Variants in C7orf57 observed in about 807,000 individuals in gnomAD.
The protein encoded by C7orf57 is chromosome 7 open reading frame 57, also known as uncharacterized protein C7orf57.
C7orf57 carries 33 observed loss-of-function variants against 39.0 expected under a neutral mutation model. The observed-to-expected ratio is 0.85, with a 90% CI of 0.64 to 1.13. The LOEUF (loss-of-function observed/expected upper bound fraction) is 1.13, where lower values mean the gene tolerates loss of function less well. Among genes scored for constraint, C7orf57 ranks in the 50% most tolerant of loss-of-function variants. The pLI is 0.00. For synonymous variants in C7orf57, 124 were observed against 137.1 expected (o/e 0.90, Z 0.67); for missense variants, 346 against 362.3 (o/e 0.95, Z 0.37).
At chr7:48,037,216 A>G (rs11761275) in intron 2 of C7orf57, among the ~76,000 whole-genome samples, 70,618 of 151,984 alleles carry the variant, frequency 0.46, 17,055 homozygotes, top group African/African-American at 0.6. Flanking sequence ...TTTTCCCAGT[A>G]GGCTCTGGAG....
intron 7 of C7orf57, 66 bp from the exon 8 acceptor site, chr7:48,054,529 T>C (rs1345416509): frequency 3.0e-6 from 4 of 1,317,204 alleles, no homozygotes; most frequent in Non-Finnish European, 4.2e-6. Context: ...CTTTAAGTAA[T>C]TATGACTTCT....
intron 8 of C7orf57, among the ~76,000 whole-genome samples, chr7:48,055,252 G>C (rs1053453233): frequency 1.3e-5 from 2 of 152,182 alleles, no homozygotes; most frequent in African/African-American, 4.8e-5. Context: ...CTCGTCATGT[G>C]AGAGTCATAC....
At chr7:48,046,954 T>C (rs1209695028) in intron 5 of C7orf57, among the ~76,000 whole-genome samples, 1 of 152,202 alleles carries the variant, frequency 6.6e-6, no homozygotes, top group African/African-American at 2.4e-5. Flanking sequence ...CATTTCTGAA[T>C]ATTTTCATTT....
At position 48,059,492 on chromosome 7, in the gene C7orf57, G is replaced by A. The variant is rs567885929; in HGVS notation, c.842-734G>A. ...CAGCCTCCTGAGCAGCTGGGACTACGGGTGCATGCCACCATGCCTGGCTAA... is the reference window on the plus strand; with the variant it reads ...CAGCCTCCTGAGCAGCTGGGACTACAGGTGCATGCCACCATGCCTGGCTAA... On this transcript the variant is annotated intron_variant, in intron 8 of 8. Coordinates refer to ENST00000348904, the MANE Select transcript of C7orf57 (RefSeq NM_001100159.3). Among the ~76,000 whole-genome samples the A allele has an allele frequency of 1.9e-4, 29 of 152,136 alleles. 1 individual carries two copies. In the South Asian group the frequency reaches 4.4e-3, roughly 23 times the overall value.
intron 2 of C7orf57, among the ~76,000 whole-genome samples, chr7:48,038,381 CATATAG>C (rs996560587): frequency 2.0e-4 from 26 of 128,926 alleles, no homozygotes; most frequent in African/African-American, 8.8e-4. Context: ...TTTCTATATA[CATATAG>C]ATAGATAGAT....
intron 8 of C7orf57, among the ~76,000 whole-genome samples, chr7:48,056,164 T>A (rs1791110134): frequency 6.6e-6 from 1 of 152,186 alleles, no homozygotes; most frequent in Non-Finnish European, 1.5e-5. Flanking sequence ...TTTTGACAGG[T>A]GTGAGATGAT....
intron 6 of C7orf57, among the ~76,000 whole-genome samples, chr7:48,050,977 G>C (rs1035759403): frequency 6.6e-6 from 1 of 152,168 alleles, no homozygotes; most frequent in Admixed American, 6.5e-5. Context: ...GGCTGCTACT[G>C]CTCGAGCTGA....
Position 48,035,680 on chromosome 7 carries a change from G to C in C7orf57, c.-102+50G>C, listed in dbSNP as rs184631150. The C allele has an allele frequency of 6.4e-3, 4,023 of 624,902 alleles. 22 individuals carry two copies. Among genetic ancestry groups the C allele is most frequent in the Non-Finnish European group, 7.9e-3 (2,732 of 347,658 alleles). The allele number at this position is 624,902 out of a possible 1,614,324, so 38.7% of individuals were successfully genotyped here. A position where few individuals can be genotyped will look rare whatever the true frequency, so the allele number is the denominator to read the frequency against. ...AATGGGGGCGCCCACTGTGGTCCCG[G>C]GCCTTGTCCACTGTGCGGAGCTCGC... On this transcript the variant is annotated intron_variant, in intron 1 of 8. Transcript: ENST00000348904. This position sits in a 1 kb window ranked among gnomAD's most constrained non-coding sequence, Gnocchi z 4.0.
chr7:48,049,016 C>T (rs1288429756), intron 5 of C7orf57, among the ~76,000 whole-genome samples: 3 of 152,066 alleles, frequency 2.0e-5, no homozygotes, highest in Non-Finnish European at 4.4e-5. Flanking sequence ...GATGCCAGGC[C>T]CGAGTTAACC....
Position 48,052,770 on chromosome 7 carries a change from T to C in C7orf57, c.676T>C (p.Leu226=). 6.2e-7 allele frequency: 1 copy of C among 1,614,032 alleles called. No homozygotes were observed. Among genetic ancestry groups the C allele is most frequent in the Non-Finnish European group, 8.5e-7 (1 of 1,179,892 alleles). ...LISNGYKDEW[L]QQQQRADSDK... Reference sequence around the variant, plus strand: ...TAGCAATGGTTATAAGGATGAGTGGTTGCAGCAGCAGCAGCGAGCTGACTC... The same window carrying C: ...TAGCAATGGTTATAAGGATGAGTGGCTGCAGCAGCAGCAGCGAGCTGACTC... The change falls in exon 7 of 9, where the codon TTG becomes CTG. Residue 226 remains leucine, a synonymous_variant. Coordinates refer to ENST00000348904, the MANE Select transcript of C7orf57 (RefSeq NM_001100159.3).
chr7:48,054,860 TGA>T, intron 8 of C7orf57, among the ~76,000 whole-genome samples: 1 of 151,478 alleles, frequency 6.6e-6, no homozygotes, highest in African/African-American at 2.4e-5. Flanking sequence ...ATGATGATGA[TGA>T]TGATGATTAT....
chr7:48,037,639 C>CTA (rs201319339), intron 2 of C7orf57, among the ~76,000 whole-genome samples: 6 of 151,528 alleles, frequency 4.0e-5, no homozygotes, highest in African/African-American at 7.3e-5. Context: ...GCAGGGAAGG[C>CTA]TATATATATA....
At chr7:48,045,920 A>G (rs1471306901) in intron 4 of C7orf57, among the ~76,000 whole-genome samples, 1 of 152,182 alleles carries the variant, frequency 6.6e-6, no homozygotes, top group Admixed American at 6.5e-5. Context: ...ATTATTTTAA[A>G]TGAACATGTT....
intron 6 of C7orf57, 130 bp from the exon 7 acceptor site, chr7:48,052,570 C>G (rs962829347): frequency 2.8e-6 from 2 of 706,962 alleles, no homozygotes; most frequent in South Asian, 1.8e-5. Context: ...GAGGGAAAGA[C>G]AGAGAGAGAG....
In C7orf57 at chr7:48,052,806, AC is replaced by A. The variant is rs1562631182; in HGVS notation, c.716del (p.Pro239ArgfsTer60). The part of the protein sequence containing the change: ...QQQRADSDKR[T>X]PKTSRASVLS... ...GCAGCGAGCTGACTCAGACAAGAGGACCCCGAAGACCTCCAGGGCATCAGTG... is the reference window on the plus strand; with the variant it reads ...GCAGCGAGCTGACTCAGACAAGAGGACCCGAAGACCTCCAGGGCATCAGTG... On this transcript the variant is annotated frameshift_variant, in exon 7 of 9. Coordinates refer to ENST00000348904, the MANE Select transcript of C7orf57 (RefSeq NM_001100159.3). LOFTEE classifies it high-confidence loss of function. 2.5e-6 allele frequency: 4 copies of A among 1,613,944 alleles called. No individual in the cohort carries two copies. The Admixed American group carries it at 5.0e-5, about 20-fold the overall frequency.
chr7:48,041,324 T>C lies in C7orf57; in HGVS notation c.56-10T>C. ...GCAACAGTGTGGCCCTCCGCCTCTCTCCTCTATAGATTGGTATTACCACGT... is the reference window on the plus strand; with the variant it reads ...GCAACAGTGTGGCCCTCCGCCTCTCCCCTCTATAGATTGGTATTACCACGT... On this transcript the variant is annotated splice_polypyrimidine_tract_variant and intron_variant, in intron 2 of 8. Transcript: ENST00000348904. 1 of 1,606,520 alleles carries C rather than the reference T, an allele frequency of 6.2e-7. No individual in the cohort carries two copies. Among genetic ancestry groups the C allele is most frequent in the Non-Finnish European group, 8.5e-7 (1 of 1,175,528 alleles).
intron 4 of C7orf57, 25 bp downstream of exon 4, chr7:48,043,614 T>A (rs748811788): frequency 7.0e-6 from 11 of 1,581,266 alleles, no homozygotes; most frequent in Admixed American, 1.7e-5. Flanking sequence ...GCACTCACAT[T>A]TTTGTTTATC....
chr7:48,056,508 A>C (rs1462964598), intron 8 of C7orf57, among the ~76,000 whole-genome samples: 1 of 152,034 alleles, frequency 6.6e-6, no homozygotes, highest in Non-Finnish European at 1.5e-5. Context: ...TGTCCAAAAA[A>C]TCATTGCCCA....
intron 3 of C7orf57, 30 bp downstream of exon 3, chr7:48,041,549 G>T: frequency 6.6e-7 from 1 of 1,522,852 alleles, no homozygotes. Flanking sequence ...GTTCAGTGTG[G>T]CAGCCTCGCG....
Sources: gnomAD v4.1 joint callset for allele counts (sites outside exome capture counted in the v4.1 genomes callset) on GRCh38, gnomAD v4.1.1 for gene constraint, Gnocchi (gnomAD v3.1) non-coding constraint, MANE v1.5 for transcripts, NCBI Gene and HGNC (gene_info 2026-07-23, HGNC 2026-07-21) for gene names.